MDGA2: variants seen among roughly 807,000 people sequenced by gnomAD.
The protein encoded by MDGA2 is MAM domain containing glycosylphosphatidylinositol anchor 2.
MDGA2 carries 40 observed loss-of-function variants against 117.8 expected under a neutral mutation model. That is an observed-to-expected ratio of 0.34 (90% CI 0.26 to 0.44). The LOEUF (loss-of-function observed/expected upper bound fraction) is 0.44, where lower values mean the gene tolerates loss of function less well. Among genes scored for constraint, MDGA2 ranks in the 20% least tolerant of loss-of-function variants. The pLI, the probability that MDGA2 is intolerant of heterozygous loss-of-function variation, is 1.00. For synonymous variants in MDGA2, 452 were observed against 439.0 expected, an observed-to-expected ratio of 1.03 and a Z score of -0.37; for missense variants, 1,123 against 1,250.6, an observed-to-expected ratio of 0.90 and a Z score of 1.54.
chr14:47,210,181 C>G (rs551767156), intron 3 of MDGA2, among the ~76,000 whole-genome samples: 3 of 152,036 alleles, frequency 2.0e-5, no homozygotes, highest in Non-Finnish European at 4.4e-5. Flanking sequence ...AGACAAGGAC[C>G]AAAAATATCA....
chr14:46,994,107 C>T (rs1175990801), intron 8 of MDGA2, among the ~76,000 whole-genome samples: 1 of 152,084 alleles, frequency 6.6e-6, no homozygotes, highest in Non-Finnish European at 1.5e-5. Context: ...AAAGAAATAT[C>T]TGAACACAGA....
intron 1 of MDGA2, among the ~76,000 whole-genome samples, chr14:47,638,447 G>A (rs1897363123): frequency 6.6e-6 from 1 of 152,118 alleles, no homozygotes; most frequent in Non-Finnish European, 1.5e-5. Flanking sequence ...TATACCATGT[G>A]CAGGCTCTTT....
chr14:47,613,538 TA>T (rs1242996207), intron 1 of MDGA2, among the ~76,000 whole-genome samples: 1 of 149,616 alleles, frequency 6.7e-6, no homozygotes, highest in Non-Finnish European at 1.5e-5. Flanking sequence ...ATCCCAGAAA[TA>T]AACAAATCCT....
intron 1 of MDGA2, among the ~76,000 whole-genome samples, chr14:47,502,011 A>G (rs1035169429): frequency 1.3e-5 from 2 of 152,284 alleles, no homozygotes; most frequent in East Asian, 3.9e-4. Context: ...AAAAAAGTGA[A>G]AGAGAAGAAA....
At chr14:47,058,634 T>A in intron 7 of MDGA2, 1 of 984,726 alleles carries the variant, frequency 1.0e-6, no homozygotes, top group Non-Finnish European at 1.2e-6. Flanking sequence ...AAATATCATT[T>A]TAATGATGTC....
At chr14:47,559,453 G>C (rs1895752014) in intron 1 of MDGA2, among the ~76,000 whole-genome samples, 1 of 152,062 alleles carries the variant, frequency 6.6e-6, no homozygotes, top group East Asian at 1.9e-4. Context: ...CTATTCTATG[G>C]TGTATATGCA....
intron 1 of MDGA2, among the ~76,000 whole-genome samples, chr14:47,542,066 G>A (rs952921617): frequency 3.9e-5 from 6 of 152,172 alleles, no homozygotes; most frequent in Non-Finnish European, 7.3e-5. Context: ...GAGACACAGA[G>A]AGAGAAAGAG....
At chr14:47,055,683 G>A (rs1375841626) in intron 7 of MDGA2, among the ~76,000 whole-genome samples, 2 of 152,068 alleles carry the variant, frequency 1.3e-5, no homozygotes, top group Non-Finnish European at 2.9e-5. Flanking sequence ...AAAAGTGTAG[G>A]TTTGAGGTCA....
At chr14:47,066,957 T>TTC (rs1890106326) in intron 6 of MDGA2, among the ~76,000 whole-genome samples, 1 of 151,882 alleles carries the variant, frequency 6.6e-6, no homozygotes, top group Admixed American at 6.6e-5. Flanking sequence ...CTACTAAAAA[T>TTC]ACAAAAAATT....
intron 1 of MDGA2, among the ~76,000 whole-genome samples, chr14:47,666,724 C>T (rs923310350): frequency 1.3e-5 from 2 of 152,186 alleles, no homozygotes; most frequent in South Asian, 2.1e-4. Flanking sequence ...CCCTTCCACA[C>T]TGTGGAAGCT....
intron 6 of MDGA2, among the ~76,000 whole-genome samples, chr14:47,089,836 C>A (rs889615579): frequency 2.8e-5 from 4 of 141,522 alleles, no homozygotes; most frequent in East Asian, 4.3e-4. Context: ...GCACTGTGCC[C>A]GGCCTTCTGT....
At chr14:46,859,740 C>A (rs2138317000) in intron 14 of MDGA2, among the ~76,000 whole-genome samples, 1 of 152,202 alleles carries the variant, frequency 6.6e-6, no homozygotes, top group Admixed American at 6.5e-5. Context: ...TCATTTACTA[C>A]TCCTTGGCCT....
intron 2 of MDGA2, among the ~76,000 whole-genome samples, chr14:47,287,071 C>G (rs1277235483): frequency 6.6e-6 from 1 of 151,550 alleles, no homozygotes; most frequent in Non-Finnish European, 1.5e-5. Flanking sequence ...TTATGTTACA[C>G]AAGAGGAAAA....
intron 7 of MDGA2, among the ~76,000 whole-genome samples, chr14:47,047,148 CAAG>C (rs1399303725): frequency 1.3e-5 from 2 of 152,104 alleles, no homozygotes; most frequent in Non-Finnish European, 2.9e-5. Context: ...CTACACTTCA[CAAG>C]AAGTAAGGCT....
At position 47,173,943 on chromosome 14, in the gene MDGA2, A is replaced by T. The variant is rs570242046; in HGVS notation, c.596-29669T>A. ...ACACACATAGGCTCAAAATAAAAGGATGGAGGAAGATCTACCAAGCAAATG... is the reference window on the plus strand; with the variant it reads ...ACACACATAGGCTCAAAATAAAAGGTTGGAGGAAGATCTACCAAGCAAATG... On this transcript the variant is annotated intron_variant, in intron 3 of 16. Transcript: ENST00000399232. 3.3e-5 allele frequency among the ~76,000 whole-genome samples: 5 copies of T among 152,296 alleles called. No individual in the cohort carries two copies. The South Asian group carries it at 1.0e-3, about 32-fold the overall frequency.
intron 1 of MDGA2, among the ~76,000 whole-genome samples, chr14:47,381,519 G>A (rs1891625274): frequency 6.6e-6 from 1 of 152,082 alleles, no homozygotes; most frequent in African/African-American, 2.4e-5. Flanking sequence ...AAAGTCTCAG[G>A]ATACAAAATC....
chr14:46,878,850 A>C (rs1392064015), intron 11 of MDGA2, among the ~76,000 whole-genome samples: 1 of 152,044 alleles, frequency 6.6e-6, no homozygotes, highest in Non-Finnish European at 1.5e-5. Flanking sequence ...TAGTTCTAAG[A>C]TATGTTGTAT....
At chr14:47,324,599 A>G (rs1161609143) in intron 1 of MDGA2, among the ~76,000 whole-genome samples, 3 of 152,086 alleles carry the variant, frequency 2.0e-5, no homozygotes, top group African/African-American at 7.2e-5. Context: ...TTCCCATCTT[A>G]GTTTCCTTGA....
intron 9 of MDGA2, among the ~76,000 whole-genome samples, chr14:46,932,786 A>G (rs1037142645): frequency 1.3e-5 from 2 of 152,088 alleles, no homozygotes; most frequent in Non-Finnish European, 2.9e-5. Flanking sequence ...TTTAGTAATT[A>G]CTTCATCCTT....
Sources: allele counts gnomAD v4.1 joint callset (sites outside exome capture counted in the v4.1 genomes callset), GRCh38; gene constraint gnomAD v4.1.1; transcripts MANE v1.5; gene names NCBI Gene and HGNC (gene_info 2026-07-23, HGNC 2026-07-21).